Variants in TAS2R1 observed in about 807,000 individuals in gnomAD.
The protein encoded by TAS2R1 is taste receptor type 2 member 1.
For synonymous variants in TAS2R1, 141 were observed against 134.2 expected (o/e 1.05, Z -0.35); for missense variants, 370 against 353.4 (o/e 1.05, Z -0.38).
chr5:9,809,850 A>G, the TAS2R1 span, among the ~76,000 whole-genome samples: 1 of 152,278 alleles, frequency 6.6e-6, no homozygotes, highest in East Asian at 1.9e-4. Context: ...ATGAATCTAC[A>G]ATTGTCTCAA....
At chr5:9,662,619 C>A (rs1740560348) in intron 1 of TAS2R1, among the ~76,000 whole-genome samples, 1 of 152,116 alleles carries the variant, frequency 6.6e-6, no homozygotes, top group African/African-American at 2.4e-5. Context: ...ACAGGTAGCA[C>A]AACATACATG....
the TAS2R1 span, among the ~76,000 whole-genome samples, chr5:9,820,701 A>G: frequency 1.3e-5 from 2 of 152,222 alleles, no homozygotes; most frequent in East Asian, 3.9e-4. Context: ...GATAAATCCA[A>G]CCAGGCTTCA....
the TAS2R1 span, among the ~76,000 whole-genome samples, chr5:9,876,585 T>C: frequency 6.6e-6 from 1 of 152,214 alleles, no homozygotes; most frequent in African/African-American, 2.4e-5. Context: ...GAACATTGCC[T>C]TTGCTGGTGG....
chr5:9,806,687 G>T, the TAS2R1 span, among the ~76,000 whole-genome samples: 1 of 152,070 alleles, frequency 6.6e-6, no homozygotes, highest in African/African-American at 2.4e-5. Flanking sequence ...GGGACAATTG[G>T]CAAGCCACGT....
chr5:9,830,554 G>A, the TAS2R1 span, among the ~76,000 whole-genome samples: 1 of 151,986 alleles, frequency 6.6e-6, no homozygotes, highest in East Asian at 1.9e-4. Context: ...GACATAAATA[G>A]AGAGATGATA....
intron 1 of TAS2R1, among the ~76,000 whole-genome samples, chr5:9,679,346 A>G (rs1740951031): frequency 1.3e-5 from 2 of 152,246 alleles, no homozygotes; most frequent in Admixed American, 6.5e-5. Context: ...ACCTTAGTGA[A>G]TATGAATTTA....
At chr5:9,852,842 G>GA in the TAS2R1 span, among the ~76,000 whole-genome samples, 917 of 126,998 alleles carry the variant, frequency 7.2e-3, 6 homozygotes, top group South Asian at 0.019. Context: ...CTTCTTGCAG[G>GA]AAAAAAAAAA....
chr5:9,643,272 T>A (rs995735846), intron 2 of TAS2R1, among the ~76,000 whole-genome samples: 1 of 152,216 alleles, frequency 6.6e-6, no homozygotes, highest in Non-Finnish European at 1.5e-5. Context: ...TTAGGCTGTA[T>A]GGTATAGTCC....
the TAS2R1 span, among the ~76,000 whole-genome samples, chr5:9,735,668 C>T: frequency 6.6e-6 from 1 of 152,202 alleles, no homozygotes; most frequent in South Asian, 2.1e-4. Flanking sequence ...ACTACAGTTG[C>T]GATGTTAAGA....
At chr5:9,640,623 C>A (rs1288127464) in intron 2 of TAS2R1, among the ~76,000 whole-genome samples, 1 of 151,518 alleles carries the variant, frequency 6.6e-6, no homozygotes, top group African/African-American at 2.4e-5. Flanking sequence ...CTGCTAGTTC[C>A]TTGGTTTCTC....
the TAS2R1 span, among the ~76,000 whole-genome samples, chr5:9,835,685 G>T: frequency 1.3e-5 from 2 of 152,120 alleles, no homozygotes; most frequent in Admixed American, 1.3e-4. Context: ...TGACAGTCAT[G>T]TCCTGCAAAG....
chr5:9,860,555 T>G, the TAS2R1 span, among the ~76,000 whole-genome samples: 4 of 152,236 alleles, frequency 2.6e-5, no homozygotes, highest in Non-Finnish European at 5.9e-5. Flanking sequence ...TTTCTTGTGT[T>G]ACTTCAGGTC....
chr5:9,760,847 T>G, the TAS2R1 span: 2 of 152,304 alleles, frequency 1.3e-5, no homozygotes, highest in African/African-American at 4.8e-5. Flanking sequence ...CTAGAAATCC[T>G]AAGTAGTGCA....
the TAS2R1 span, among the ~76,000 whole-genome samples, chr5:9,825,160 C>T: frequency 1.3e-5 from 2 of 152,170 alleles, no homozygotes; most frequent in Admixed American, 6.5e-5. Flanking sequence ...TTCCTTTCTA[C>T]TTACTAGCTG....
At chr5:9,816,544 G>T in the TAS2R1 span, among the ~76,000 whole-genome samples, 1 of 149,586 alleles carries the variant, frequency 6.7e-6, no homozygotes, top group African/African-American at 2.5e-5. Flanking sequence ...TTTTTTTTCT[G>T]CAGACATTTC....
chr5:9,645,596 T>A (rs979252561), intron 2 of TAS2R1: 11 of 152,158 alleles, frequency 7.2e-5, no homozygotes, highest in African/African-American at 2.7e-4. Flanking sequence ...CCAGGAGTAG[T>A]CACAGAAACC....
chr5:9,712,732 C>T (rs750451588), upstream of TAS2R1, among the ~76,000 whole-genome samples: 4 of 152,148 alleles, frequency 2.6e-5, no homozygotes, highest in Admixed American at 6.5e-5. Context: ...CTAGCACGTG[C>T]GCTGTCTCTC....
chr5:9,880,617 G>T, the TAS2R1 span, among the ~76,000 whole-genome samples: 1 of 145,762 alleles, frequency 6.9e-6, no homozygotes, highest in Non-Finnish European at 1.5e-5. Context: ...AGCACCACCA[G>T]TTGTGACAAC....
chr5:9,877,448 A>G, the TAS2R1 span, among the ~76,000 whole-genome samples: 1 of 152,218 alleles, frequency 6.6e-6, no homozygotes, highest in East Asian at 1.9e-4. Flanking sequence ...TACACATACA[A>G]ATTATGCCTC....
Sources: allele counts gnomAD v4.1 joint callset (sites outside exome capture counted in the v4.1 genomes callset), GRCh38; gene constraint gnomAD v4.1.1; transcripts MANE v1.5; gene names NCBI Gene and HGNC (gene_info 2026-07-23, HGNC 2026-07-21).